Variants in CSNK2A2IP observed in about 807,000 individuals in gnomAD.
CSNK2A2IP encodes casein kinase II subunit alpha'-interacting protein.
At chr3:88,412,871 T>C in the CSNK2A2IP span, among the ~76,000 whole-genome samples, 58 of 151,822 alleles carry the variant, frequency 3.8e-4, no homozygotes, top group African/African-American at 1.3e-3. Flanking sequence ...AGAATTATAA[T>C]TTTTTGGAAC....
At chr3:88,397,533 C>G in the CSNK2A2IP span, among the ~76,000 whole-genome samples, 2 of 151,990 alleles carry the variant, frequency 1.3e-5, no homozygotes, top group African/African-American at 4.8e-5. Context: ...ATTTATTGAA[C>G]AAGCATCTGA....
At chr3:88,367,194 A>C in the CSNK2A2IP span, among the ~76,000 whole-genome samples, 2 of 152,116 alleles carry the variant, frequency 1.3e-5, no homozygotes, top group Non-Finnish European at 2.9e-5. Flanking sequence ...CCTCATTGTT[A>C]TCAAAAGGAC....
At chr3:88,438,296 G>A in the CSNK2A2IP span, among the ~76,000 whole-genome samples, 109 of 152,076 alleles carry the variant, frequency 7.2e-4, 1 homozygote, top group Admixed American at 1.2e-3. Flanking sequence ...GGTATGCTGA[G>A]AACTTTGAAC....
the CSNK2A2IP span, among the ~76,000 whole-genome samples, chr3:88,402,288 T>A: frequency 1.3e-5 from 2 of 152,046 alleles, no homozygotes; most frequent in Admixed American, 1.3e-4. Flanking sequence ...CTTGTGAGAA[T>A]ATAGAATAAA....
the CSNK2A2IP span, among the ~76,000 whole-genome samples, chr3:88,463,345 A>G: frequency 6.6e-6 from 1 of 151,626 alleles, no homozygotes; most frequent in Non-Finnish European, 1.5e-5. Flanking sequence ...ATGACACCCT[A>G]TGAATTGCCT....
At chr3:88,354,230 A>ATT in the CSNK2A2IP span, among the ~76,000 whole-genome samples, 1 of 152,184 alleles carries the variant, frequency 6.6e-6, no homozygotes, top group Non-Finnish European at 1.5e-5. Context: ...AGCCTTAGGT[A>ATT]TTCTTTTATG....
the CSNK2A2IP span, among the ~76,000 whole-genome samples, chr3:88,415,261 T>C: frequency 1.3e-5 from 2 of 152,020 alleles, no homozygotes; most frequent in Admixed American, 6.5e-5. Flanking sequence ...AAATAGAATA[T>C]GATTTTTATT....
the CSNK2A2IP span, among the ~76,000 whole-genome samples, chr3:88,425,776 A>T: frequency 6.6e-6 from 1 of 152,160 alleles, no homozygotes; most frequent in Non-Finnish European, 1.5e-5. Flanking sequence ...TATGTCATTT[A>T]TGAAGAGTGT....
chr3:88,449,341 G>A, the CSNK2A2IP span, among the ~76,000 whole-genome samples: 2 of 152,048 alleles, frequency 1.3e-5, no homozygotes, highest in Admixed American at 6.6e-5. Context: ...CATGACAAGT[G>A]TGCAAAATAA....
chr3:88,384,259 C>T, the CSNK2A2IP span, among the ~76,000 whole-genome samples: 1 of 151,768 alleles, frequency 6.6e-6, no homozygotes, highest in African/African-American at 2.4e-5. Flanking sequence ...GTATATGCAT[C>T]TAGAATTACT....
At chr3:88,341,266 A>G in the CSNK2A2IP span, among the ~76,000 whole-genome samples, 1 of 151,900 alleles carries the variant, frequency 6.6e-6, no homozygotes, top group Non-Finnish European at 1.5e-5. Context: ...AAATCATAAA[A>G]TGTACAATAA....
At chr3:88,354,088 A>G in the CSNK2A2IP span, among the ~76,000 whole-genome samples, 1 of 152,154 alleles carries the variant, frequency 6.6e-6, no homozygotes, top group Non-Finnish European at 1.5e-5. Flanking sequence ...ATCATGTGAC[A>G]TCCTGCTCTC....
chr3:88,357,403 G>T, the CSNK2A2IP span, among the ~76,000 whole-genome samples: 375 of 152,038 alleles, frequency 2.5e-3, 3 homozygotes, highest in African/African-American at 8.8e-3. Context: ...TTTTATTCAT[G>T]GGTTCTGTTC....
At chr3:88,349,252 A>G in the CSNK2A2IP span, among the ~76,000 whole-genome samples, 1 of 151,850 alleles carries the variant, frequency 6.6e-6, no homozygotes, top group East Asian at 1.9e-4. Flanking sequence ...TGTGCACTGT[A>G]CTCAATATGT....
chr3:88,391,065 G>A, the CSNK2A2IP span, among the ~76,000 whole-genome samples: 1 of 152,152 alleles, frequency 6.6e-6, no homozygotes, highest in Non-Finnish European at 1.5e-5. Context: ...TGTATGCTCA[G>A]TTTCTGCTTA....
the CSNK2A2IP span, among the ~76,000 whole-genome samples, chr3:88,434,082 A>G: frequency 6.6e-6 from 1 of 152,166 alleles, no homozygotes; most frequent in Non-Finnish European, 1.5e-5. Flanking sequence ...AAAAAATGAG[A>G]TGTTCCAAAT....
the CSNK2A2IP span, among the ~76,000 whole-genome samples, chr3:88,361,181 G>A: frequency 1.6e-4 from 24 of 152,204 alleles, no homozygotes; most frequent in African/African-American, 5.8e-4. Flanking sequence ...GTATTTGTCT[G>A]TGTATTTACT....
chr3:88,344,964 T>C, the CSNK2A2IP span, among the ~76,000 whole-genome samples: 1 of 152,008 alleles, frequency 6.6e-6, no homozygotes, highest in Non-Finnish European at 1.5e-5. Context: ...GTTTCTTTAA[T>C]CTTTTCAGCA....
At chr3:88,463,504 C>G in the CSNK2A2IP span, among the ~76,000 whole-genome samples, 2 of 152,080 alleles carry the variant, frequency 1.3e-5, no homozygotes, top group Non-Finnish European at 2.9e-5. Flanking sequence ...TAATAACAGA[C>G]ACTTCTCAAA....
Sources: gnomAD v4.1 joint callset for allele counts (sites outside exome capture counted in the v4.1 genomes callset) on GRCh38, gnomAD v4.1.1 for gene constraint, MANE v1.5 for transcripts, NCBI Gene and HGNC (gene_info 2026-07-23, HGNC 2026-07-21) for gene names.